Variants in ARID1B observed in about 807,000 individuals in gnomAD.
ARID1B encodes the protein AT-rich interactive domain-containing protein 1B.
A neutral mutation model predicts 212.3 loss-of-function variants in ARID1B; 30 were observed. The ratio of observed to expected loss-of-function variants is 0.14; its 90% CI spans 0.11 to 0.19. The LOEUF (loss-of-function observed/expected upper bound fraction) is 0.19. Among genes scored for constraint, ARID1B ranks in the 10% least tolerant of loss-of-function variants. The pLI is 1.00. For missense variants in ARID1B, 2,891 were observed against 3,204.0 expected, an observed-to-expected ratio of 0.90 and a Z score of 2.36; for synonymous variants, 1,402 against 1,301.7, an observed-to-expected ratio of 1.08 and a Z score of -1.66.
chr6:156,885,067 G>A (rs958105105), intron 2 of ARID1B, among the ~76,000 whole-genome samples: 1 of 152,048 alleles, frequency 6.6e-6, no homozygotes, highest in Non-Finnish European at 1.5e-5. Flanking sequence ...AATCATTGTA[G>A]GATACTGTTT....
At chr6:156,933,487 G>A (rs1791919707) in intron 3 of ARID1B, among the ~76,000 whole-genome samples, 2 of 152,208 alleles carry the variant, frequency 1.3e-5, no homozygotes, top group African/African-American at 4.8e-5. Flanking sequence ...CTAGAATCTG[G>A]AAGAAACGTG....
chr6:156,976,753 G>A (rs1048089958), intron 4 of ARID1B: 1 of 515,408 alleles, frequency 1.9e-6, no homozygotes, highest in South Asian at 1.5e-5. Flanking sequence ...AAGGTCCGCA[G>A]CTTCATTCAT....
chr6:156,901,301 G>A, intron 2 of ARID1B, 75 bp from the exon 3 acceptor site: 2 of 1,558,218 alleles, frequency 1.3e-6, no homozygotes, highest in Non-Finnish European at 1.8e-6. Context: ...TCATGTTGCT[G>A]AATTGAAACC....
chr6:157,134,841 A>G (rs1235438901), intron 7 of ARID1B, among the ~76,000 whole-genome samples: 1 of 152,236 alleles, frequency 6.6e-6, no homozygotes, highest in Non-Finnish European at 1.5e-5. Flanking sequence ...TGGAAGCAAG[A>G]TGCAGACCTT....
Position 157,200,599 on chromosome 6 carries a change from T to C in ARID1B, c.4480-106T>C, listed in dbSNP as rs781183276. On this transcript the variant is annotated intron_variant, in intron 17 of 19. Coordinates refer to ENST00000636930, the MANE Select transcript of ARID1B (RefSeq NM_001374828.1). This position sits in a 1 kb window ranked among gnomAD's most constrained non-coding sequence, Gnocchi z 4.3. Reference sequence around the variant, plus strand: ...TTGTTATAGGAGCTTCCCATATTCATTTTGAAATGAACATTCTAGCAGGTA... The same window carrying C: ...TTGTTATAGGAGCTTCCCATATTCACTTTGAAATGAACATTCTAGCAGGTA... 7 of 1,328,328 alleles carry C rather than the reference T, an allele frequency of 5.3e-6. No individual in the cohort carries two copies. The highest frequency in any genetic ancestry group is 7.1e-6 in the Non-Finnish European group (7 of 981,104). 82.3% of individuals were successfully genotyped at this position (1,328,328 alleles called of 1,614,324 possible).
chr6:156,969,013 G>T (rs966912659), intron 4 of ARID1B, among the ~76,000 whole-genome samples: 7 of 152,234 alleles, frequency 4.6e-5, no homozygotes, highest in African/African-American at 1.7e-4. Flanking sequence ...TTGCACTGTT[G>T]AAAAGGATGG....
At chr6:156,863,548 GAGT>G (rs1472299814) in intron 2 of ARID1B, among the ~76,000 whole-genome samples, 1 of 152,168 alleles carries the variant, frequency 6.6e-6, no homozygotes, top group East Asian at 1.9e-4. Context: ...GGAAAGTAGA[GAGT>G]AGTTTGTATT....
Position 157,114,211 on chromosome 6 carries a change from G to C in ARID1B, c.2581+3650G>C, listed in dbSNP as rs574012022. ...AACAGGCCAAGAAATACATTAGTGA[G>C]TTAGTATCTTTTTTTAAAACGAGTA... On this transcript the variant is annotated intron_variant, in intron 6 of 19. Transcript: ENST00000636930. 3.3e-5 allele frequency among the ~76,000 whole-genome samples: 5 copies of C among 152,240 alleles called. No individual in the cohort carries two copies. The East Asian group carries it at 7.7e-4, about 24-fold the overall frequency.
intron 4 of ARID1B, among the ~76,000 whole-genome samples, chr6:157,047,004 GTGT>G (rs1562575705): frequency 1.3e-5 from 2 of 152,098 alleles, no homozygotes; most frequent in Non-Finnish European, 2.9e-5. Flanking sequence ...AGCAATGCCT[GTGT>G]TGTTGTTTTT....
intron 2 of ARID1B, among the ~76,000 whole-genome samples, chr6:156,880,814 T>C (rs998872453): frequency 1.3e-5 from 2 of 151,516 alleles, no homozygotes; most frequent in Non-Finnish European, 2.9e-5. Flanking sequence ...ATGTTAGTTA[T>C]TAAGCTTTTA....
chr6:157,051,261 G>A (rs746316603), intron 4 of ARID1B, among the ~76,000 whole-genome samples: 7 of 152,132 alleles, frequency 4.6e-5, no homozygotes, highest in Non-Finnish European at 8.8e-5. Flanking sequence ...CTGAACGAAC[G>A]GATGAATTAG....
chr6:157,183,435 C>T (rs576146827), intron 12 of ARID1B, among the ~76,000 whole-genome samples: 1 of 152,350 alleles, frequency 6.6e-6, no homozygotes, highest in African/African-American at 2.4e-5. Flanking sequence ...ACGCAGGAGA[C>T]ATCAAAAGGC....
chr6:157,161,791 G>A (rs1345757405), intron 8 of ARID1B, among the ~76,000 whole-genome samples: 3 of 152,158 alleles, frequency 2.0e-5, no homozygotes, highest in Non-Finnish European at 4.4e-5. Flanking sequence ...AGTGCCCCAA[G>A]TTTTAGTGTT....
intron 4 of ARID1B, among the ~76,000 whole-genome samples, chr6:157,012,982 C>T (rs1316567310): frequency 2.0e-5 from 3 of 152,164 alleles, no homozygotes; most frequent in Non-Finnish European, 4.4e-5. Context: ...TGGGTTGAAG[C>T]AATTCTCCTG....
intron 3 of ARID1B, among the ~76,000 whole-genome samples, chr6:156,922,940 G>C (rs115933641): frequency 1.3e-5 from 2 of 152,172 alleles, no homozygotes; most frequent in Non-Finnish European, 2.9e-5. Context: ...TCTGTGGCTC[G>C]TGTGCCGGAA....
intron 1 of ARID1B, among the ~76,000 whole-genome samples, chr6:156,826,091 A>G (rs1193181395): frequency 6.6e-6 from 1 of 152,226 alleles, no homozygotes; most frequent in East Asian, 1.9e-4. Flanking sequence ...TTAAGTCCAA[A>G]CAATGTCTTG....
chr6:157,162,703 A>G (rs370008886), intron 8 of ARID1B, among the ~76,000 whole-genome samples: 1 of 152,204 alleles, frequency 6.6e-6, no homozygotes, highest in African/African-American at 2.4e-5. Context: ...CAATTTGAAC[A>G]TTGCCATTTA....
chr6:157,004,618 C>A (rs980418246), intron 4 of ARID1B, among the ~76,000 whole-genome samples: 51 of 152,188 alleles, frequency 3.4e-4, no homozygotes, highest in South Asian at 2.1e-4. Context: ...AGAACTCCCC[C>A]CAAAATGATA....
rs1312924715 is a variant in ARID1B at position 157,201,281 on chromosome 6, C to A, written c.5056C>A (p.Leu1686Met). ...APSPASFQRS[L>M]ENRMSPSKSP... Reference sequence around the variant, plus strand: ...CAGCCCAGCGTCCTTCCAGCGCTCCCTGGAGAACCGCATGTCTCCAAGCAA... The same window carrying A: ...CAGCCCAGCGTCCTTCCAGCGCTCCATGGAGAACCGCATGTCTCCAAGCAA... The change falls in exon 18 of 20, where the codon CTG becomes ATG. Residue 1686 changes from leucine (L) to methionine (M), a missense_variant. Around this residue, in one of 7 missense-constraint regions of ARID1B, gnomAD observed 666 missense variants for 873.5 expected, o/e 0.76. Coordinates refer to ENST00000636930, the MANE Select transcript of ARID1B (RefSeq NM_001374828.1). The surrounding 1 kb of genome is among the most constrained non-coding windows in gnomAD (Gnocchi z 5.2). 1 of 1,614,046 alleles carries A rather than the reference C, an allele frequency of 6.2e-7. No homozygotes were observed. Among genetic ancestry groups the A allele is most frequent in the Admixed American group, 1.7e-5 (1 of 60,008 alleles).
Sources: gnomAD v4.1 joint callset for allele counts (sites outside exome capture counted in the v4.1 genomes callset) on GRCh38, gnomAD v4.1.1 for gene constraint, gnomAD v4.1.1 regional missense constraint, Gnocchi (gnomAD v3.1) non-coding constraint, MANE v1.5 for transcripts, NCBI Gene and HGNC (gene_info 2026-07-23, HGNC 2026-07-21) for gene names.